Variants in CTNNA1 observed in about 807,000 individuals in gnomAD.
The protein encoded by CTNNA1 is catenin alpha 1, also known as catenin alpha-1.
In CTNNA1, 37 loss-of-function variants were observed where a neutral mutation model predicts 98.4. The observed-to-expected ratio is 0.38, with a 90% CI of 0.29 to 0.49. The LOEUF is 0.49. CTNNA1 is among the 20% of genes least tolerant of loss of function. The pLI is 0.95. For synonymous variants in CTNNA1, 404 were observed against 413.2 expected, an observed-to-expected ratio of 0.98 and a Z score of 0.27; for missense variants, 761 against 1,147.2, an observed-to-expected ratio of 0.66 and a Z score of 4.86.
intron 7 of CTNNA1, chr5:138,880,536 T>C (rs941247942): frequency 2.6e-5 from 4 of 153,142 alleles, no homozygotes; most frequent in African/African-American, 9.6e-5. Flanking sequence ...CTTCATTGTG[T>C]TCATGTTTTC....
At chr5:138,868,387 G>A (rs1765000413) in intron 7 of CTNNA1, among the ~76,000 whole-genome samples, 1 of 152,206 alleles carries the variant, frequency 6.6e-6, no homozygotes, top group Non-Finnish European at 1.5e-5. Context: ...CAGGGTGGAG[G>A]AGGTCATGTA....
intron 7 of CTNNA1, among the ~76,000 whole-genome samples, chr5:138,858,074 T>A (rs1429022690): frequency 6.6e-6 from 1 of 152,164 alleles, no homozygotes; most frequent in Non-Finnish European, 1.5e-5. Context: ...CAGACACTTG[T>A]ACATTCACCT....
intron 7 of CTNNA1, among the ~76,000 whole-genome samples, chr5:138,877,441 C>CTTTTTT (rs70982737): frequency 7.3e-6 from 1 of 136,810 alleles, no homozygotes; most frequent in Non-Finnish European, 1.6e-5. Flanking sequence ...TCTTAAATTT[C>CTTTTTT]TTTTTTTTTT....
intron 7 of CTNNA1, among the ~76,000 whole-genome samples, chr5:138,865,984 C>T (rs987820744): frequency 2.1e-4 from 32 of 152,142 alleles, no homozygotes; most frequent in African/African-American, 7.7e-4. Flanking sequence ...ATTTTTTGGC[C>T]CTCACGATGA....
Position 138,824,722 on chromosome 5 carries a change from G to C in CTNNA1, c.781G>C (p.Ala261Pro). The C allele has an allele frequency of 2.5e-6, 4 of 1,614,216 alleles. No homozygotes were observed. The highest frequency in any genetic ancestry group is 3.4e-6 in the Non-Finnish European group (4 of 1,180,046). ...CACAGGCATTTCCAATGCAGCCCAG[G>C]CCACTGCCTCAGACGATGCCTCACA... is the stretch of plus-strand genomic sequence containing the variant. ...AVTGISNAAQATASDDASQHQ... is the reference protein window; with the variant it reads ...AVTGISNAAQPTASDDASQHQ... Residue 261 changes from alanine (A) to proline (P), a missense_variant, in exon 6 of 18, where the codon GCC becomes CCC. Ala to Pro is a conservative substitution (Grantham distance 27). Coordinates refer to ENST00000302763, the MANE Select transcript of CTNNA1 (RefSeq NM_001903.5).
chr5:138,780,362 T>G (rs1424141777), intron 1 of CTNNA1, among the ~76,000 whole-genome samples: 2 of 149,582 alleles, frequency 1.3e-5, no homozygotes, highest in Admixed American at 1.3e-4. Context: ...GCTAATTTTT[T>G]TTTTGTATTT....
intron 5 of CTNNA1, among the ~76,000 whole-genome samples, chr5:138,819,311 G>A (rs577744282): frequency 6.6e-6 from 1 of 152,290 alleles, no homozygotes; most frequent in Admixed American, 6.5e-5. Flanking sequence ...GTGGGCCCTG[G>A]GGAGGGGAGG....
At chr5:138,756,031 T>C (rs1195822501) in intron 1 of CTNNA1, among the ~76,000 whole-genome samples, 2 of 14,742 alleles carry the variant, frequency 1.4e-4, no homozygotes, top group African/African-American at 1.8e-4. Context: ...GCCCGGCTTA[T>C]TTATTTATTT....
At chr5:138,878,956 A>ACT (rs1752257175) in intron 7 of CTNNA1, among the ~76,000 whole-genome samples, 1 of 152,044 alleles carries the variant, frequency 6.6e-6, no homozygotes, top group African/African-American at 2.4e-5. Flanking sequence ...GGTAGCCTGT[A>ACT]ATCCCAGCAC....
chr5:138,827,780 G>C, intron 7 of CTNNA1, 62 bp downstream of exon 7: 1 of 1,584,244 alleles, frequency 6.3e-7, no homozygotes, highest in Non-Finnish European at 8.6e-7. Context: ...TCTATAACAT[G>C]TTGGATCTGA....
chr5:138,800,600 G>A (rs1192858494), intron 3 of CTNNA1, among the ~76,000 whole-genome samples: 1 of 151,988 alleles, frequency 6.6e-6, no homozygotes, highest in East Asian at 1.9e-4. Context: ...TTCGAGACCA[G>A]CCTGACCAAC....
intron 7 of CTNNA1, among the ~76,000 whole-genome samples, chr5:138,878,868 G>A (rs1243499946): frequency 3.9e-5 from 6 of 152,080 alleles, no homozygotes; most frequent in Non-Finnish European, 8.8e-5. Context: ...GTGTTTTGGA[G>A]GAGCATGTTA....
At chr5:138,924,107 G>A (rs1477716299) in intron 11 of CTNNA1, among the ~76,000 whole-genome samples, 1 of 152,220 alleles carries the variant, frequency 6.6e-6, no homozygotes, top group East Asian at 1.9e-4. Context: ...AGAGGGGACA[G>A]TGGACTTTTG....
intron 3 of CTNNA1, among the ~76,000 whole-genome samples, chr5:138,794,924 T>A (rs2149687926): frequency 6.6e-6 from 1 of 151,912 alleles, no homozygotes; most frequent in African/African-American, 2.4e-5. Context: ...CTGAGGCAGG[T>A]AGATCACCTG....
At chr5:138,775,768 G>A (rs1319626391) in intron 1 of CTNNA1, among the ~76,000 whole-genome samples, 3 of 141,670 alleles carry the variant, frequency 2.1e-5, no homozygotes, top group Non-Finnish European at 4.5e-5. Context: ...GTCCGCCCAG[G>A]CTGGAGTGCA....
intron 7 of CTNNA1, among the ~76,000 whole-genome samples, chr5:138,843,955 T>G (rs562875533): frequency 6.6e-6 from 1 of 152,304 alleles, no homozygotes; most frequent in African/African-American, 2.4e-5. Flanking sequence ...AGTAAGCACT[T>G]TTTTTAGAAG....
chr5:138,926,384 A>C (rs1257751507), intron 13 of CTNNA1, among the ~76,000 whole-genome samples: 2 of 152,238 alleles, frequency 1.3e-5, no homozygotes. Flanking sequence ...TCCTGAGCAC[A>C]GTGCAGATGG....
chr5:138,838,465 T>C lies in CTNNA1; in HGVS notation c.1062+10747T>C, dbSNP rs139066859. Among the ~76,000 whole-genome samples the C allele has an allele frequency of 4.5e-3, 690 of 152,342 alleles. 3 individuals carry two copies. Among genetic ancestry groups the C allele is most frequent in the African/African-American group, 0.016 (659 of 41,590 alleles). On this transcript the variant is annotated intron_variant, in intron 7 of 17. Coordinates refer to ENST00000302763, the MANE Select transcript of CTNNA1 (RefSeq NM_001903.5). ...ATTTGTTTTATTTTTTCTTTCTTTGTCAATCTGGCCAGAAGTTTATCAATT... is the reference window on the plus strand; with the variant it reads ...ATTTGTTTTATTTTTTCTTTCTTTGCCAATCTGGCCAGAAGTTTATCAATT...
At chr5:138,770,138 CTTTTATT>C (rs891768171) in intron 1 of CTNNA1, among the ~76,000 whole-genome samples, 19 of 152,250 alleles carry the variant, frequency 1.2e-4, no homozygotes, top group Admixed American at 5.9e-4. Context: ...CCCGGTGATA[CTTTTATT>C]TTTTAAAAAA....
Sources: allele counts gnomAD v4.1 joint callset (sites outside exome capture counted in the v4.1 genomes callset), GRCh38; gene constraint gnomAD v4.1.1; transcripts MANE v1.5; gene names NCBI Gene and HGNC (gene_info 2026-07-23, HGNC 2026-07-21).